FRAS1: variants seen among roughly 807,000 people sequenced by gnomAD.
FRAS1 encodes Fraser extracellular matrix complex subunit 1.
A neutral mutation model predicts 435.2 loss-of-function variants in FRAS1; 290 were observed. The observed-to-expected ratio is 0.67, with a 90% CI of 0.61 to 0.73. The LOEUF is 0.73. Ranked by LOEUF, FRAS1 falls within the 30% of genes least tolerant of loss-of-function variation. The pLI is 0.00. For synonymous variants in FRAS1, 1,800 were observed against 1,851.0 expected (o/e 0.97, Z 0.71); for missense variants, 4,860 against 5,001.5 (o/e 0.97, Z 0.85).
At chr4:78,429,025 CGTGTGTGTGTGTGCGTGTCTCT>C (rs1459318904) in intron 35 of FRAS1, 48 bp from the exon 36 acceptor site, 2 of 1,428,008 alleles carry the variant, frequency 1.4e-6, no homozygotes, top group East Asian at 5.2e-5. Flanking sequence ...CAAGTTGATT[CGTGTGTGTGTGTGCGTGTCTCT>C]GTGTGTGTGT....
intron 51 of FRAS1, 110 bp from the exon 52 acceptor site, chr4:78,472,070 G>C (rs977787914): frequency 2.6e-5 from 30 of 1,146,914 alleles, no homozygotes; most frequent in Non-Finnish European, 3.3e-5. Flanking sequence ...TTTCCATGCA[G>C]TAAATACACT....
In FRAS1 at chr4:78,140,686, T is replaced by C. The variant is rs534028881; in HGVS notation, c.108+74670T>C. On this transcript the variant is annotated intron_variant, in intron 2 of 73. Coordinates refer to ENST00000512123, the MANE Select transcript of FRAS1 (RefSeq NM_025074.7). ...ATACATATGTGTATATGTATATGCA[T>C]ATACATATGTGTATATGCATATACG... 7.8e-4 allele frequency among the ~76,000 whole-genome samples: 115 copies of C among 148,384 alleles called. 3 individuals are homozygous for C. The highest frequency in any genetic ancestry group is 1.8e-4 in the Non-Finnish European group (12 of 67,658).
chr4:78,209,320 G>A (rs111528212), intron 2 of FRAS1, among the ~76,000 whole-genome samples: 6 of 152,164 alleles, frequency 3.9e-5, no homozygotes, highest in African/African-American at 9.7e-5. Context: ...CCTGGAGGTT[G>A]CATGCACTGG....
intron 15 of FRAS1, 102 bp downstream of exon 15, chr4:78,308,311 A>AGCAGCTATTC: frequency 1.7e-6 from 2 of 1,189,354 alleles, no homozygotes; most frequent in Non-Finnish European, 2.3e-6. Flanking sequence ...TCTTTTACTC[A>AGCAGCTATTC]ACATATATGT....
At chr4:78,187,544 C>T (rs1254540935) in intron 2 of FRAS1, among the ~76,000 whole-genome samples, 1 of 152,150 alleles carries the variant, frequency 6.6e-6, no homozygotes, top group East Asian at 1.9e-4. Flanking sequence ...TATTGCCCCT[C>T]AGAAAGATAT....
chr4:78,304,826 T>G (rs1032412736), intron 14 of FRAS1, among the ~76,000 whole-genome samples: 1 of 137,036 alleles, frequency 7.3e-6, no homozygotes, highest in Admixed American at 7.6e-5. Flanking sequence ...CTGGATTCAT[T>G]AATTTTTTGA....
intron 2 of FRAS1, among the ~76,000 whole-genome samples, chr4:78,196,767 T>G (rs1260459356): frequency 1.3e-5 from 2 of 152,192 alleles, no homozygotes; most frequent in Non-Finnish European, 2.9e-5. Context: ...ATGTGAAGTA[T>G]TTGGAATAAT....
intron 2 of FRAS1, among the ~76,000 whole-genome samples, chr4:78,193,431 C>T (rs1019720869): frequency 1.3e-5 from 2 of 152,110 alleles, no homozygotes; most frequent in African/African-American, 2.4e-5. Flanking sequence ...TCTCTAAGGA[C>T]TTGCTTTATG....
chr4:78,288,642 C>T (rs1444838817), intron 14 of FRAS1, among the ~76,000 whole-genome samples: 1 of 151,696 alleles, frequency 6.6e-6, no homozygotes, highest in African/African-American at 2.4e-5. Flanking sequence ...AACCAATTTG[C>T]TTTAGTTCAG....
rs1163714796 is a variant in FRAS1 at position 78,543,579 on chromosome 4, CCCTT to C, written c.*2456_*2459del. The C allele has an allele frequency of 1.3e-5, 2 of 152,198 alleles. No homozygotes were observed. Among genetic ancestry groups the C allele is most frequent in the Non-Finnish European group, 2.9e-5 (2 of 68,034 alleles). 9.4% of individuals were successfully genotyped at this position (152,198 alleles called of 1,614,324 possible). ...GAAAGCCCTTGCAGTATTTCTGCCT[CCCTT>C]TCTTTCTGCCTTTCACCCCACTAAA... On this transcript the variant is annotated 3_prime_UTR_variant, in exon 74 of 74. Transcript: ENST00000512123.
chr4:78,372,626 C>T (rs1731559569), intron 23 of FRAS1, 92 bp from the exon 24 acceptor site: 1 of 1,483,708 alleles, frequency 6.7e-7, no homozygotes, highest in Non-Finnish European at 9.3e-7. Context: ...TTATTTTACT[C>T]CTTGCAGCTG....
At chr4:78,319,353 C>T (rs757858963) in intron 18 of FRAS1, 13 of 460,800 alleles carry the variant, frequency 2.8e-5, no homozygotes, top group African/African-American at 1.8e-4. Flanking sequence ...TGAATTGGTC[C>T]CTTCAGGGCA....
intron 2 of FRAS1, among the ~76,000 whole-genome samples, chr4:78,075,900 A>C (rs1740614044): frequency 6.6e-6 from 1 of 152,144 alleles, no homozygotes; most frequent in Non-Finnish European, 1.5e-5. Context: ...GAAGCGAGAG[A>C]AGTGATGTAA....
chr4:78,326,007 G>T (rs1299017490), intron 18 of FRAS1, among the ~76,000 whole-genome samples: 1 of 152,188 alleles, frequency 6.6e-6, no homozygotes, highest in Non-Finnish European at 1.5e-5. Context: ...GCAGAATGAC[G>T]CTGGAGATGC....
intron 69 of FRAS1, among the ~76,000 whole-genome samples, chr4:78,523,847 A>G (rs1721459088): frequency 6.6e-6 from 1 of 152,146 alleles, no homozygotes; most frequent in Admixed American, 6.5e-5. Context: ...CTTATGCAGC[A>G]TACAAGGCCC....
At position 78,499,923 on chromosome 4, in the gene FRAS1, T is replaced by A. The variant is rs1358085095; in HGVS notation, c.9316+2T>A. ...GCCGAGTCTTGAAGTTCAGTCCCGG[T>A]AATTGAATGCCAACCTCAATCTGTG... On this transcript the variant is annotated splice_donor_variant, in intron 61 of 73. Coordinates refer to ENST00000512123, the MANE Select transcript of FRAS1 (RefSeq NM_025074.7). LOFTEE classifies it high-confidence loss of function. 2 of 1,533,550 alleles carry A rather than the reference T, an allele frequency of 1.3e-6. No individual in the cohort carries two copies. Among genetic ancestry groups the A allele is most frequent in the Admixed American group, 3.7e-5 (2 of 54,466 alleles). 95.0% of individuals were successfully genotyped at this position (1,533,550 alleles called of 1,614,324 possible).
Position 78,428,881 on chromosome 4 carries a change from A to G in FRAS1, c.4712-214A>G, listed in dbSNP as rs549534827. ...TGGTTCTTTATCTTTTTTCTTATCC[A>G]TAGAAAAAAGAATAGCTCACAGTAT... On this transcript the variant is annotated intron_variant, in intron 35 of 73. Transcript: ENST00000512123. Among the ~76,000 whole-genome samples the G allele has an allele frequency of 1.3e-4, 20 of 152,252 alleles. 2 individuals carry two copies. In the South Asian group the frequency reaches 3.9e-3, roughly 30 times the overall value.
chr4:78,182,221 A>T (rs1299179741), intron 2 of FRAS1, among the ~76,000 whole-genome samples: 1 of 152,238 alleles, frequency 6.6e-6, no homozygotes, highest in Non-Finnish European at 1.5e-5. Context: ...GCAAAAGCTC[A>T]GGATGCCATG....
chr4:78,473,398 C>G (rs1208945595), intron 52 of FRAS1, 40 bp from the exon 53 acceptor site: 1 of 1,563,332 alleles, frequency 6.4e-7, no homozygotes, highest in Non-Finnish European at 8.7e-7. Flanking sequence ...GCTGTCGTTA[C>G]ATCCCTGGGT....
Sources: allele counts gnomAD v4.1 joint callset (sites outside exome capture counted in the v4.1 genomes callset), GRCh38; gene constraint gnomAD v4.1.1; transcripts MANE v1.5; gene names NCBI Gene and HGNC (gene_info 2026-07-23, HGNC 2026-07-21).